FHIT: variants seen among roughly 807,000 people sequenced by gnomAD.
FHIT encodes the protein fragile histidine triad diadenosine triphosphatase, also known as bis(5'-adenosyl)-triphosphatase.
Under a neutral mutation model 17.9 loss-of-function variants are expected in FHIT, and 19 were observed. That is an observed-to-expected ratio of 1.06 (90% confidence interval 0.74 to 1.56). The LOEUF (loss-of-function observed/expected upper bound fraction) is 1.56. Among genes scored for constraint, FHIT ranks in the 40% most tolerant of loss-of-function variants. The pLI, the probability that FHIT is intolerant of heterozygous loss-of-function variation, is 0.00. For synonymous variants in FHIT, 81 were observed against 69.7 expected (o/e 1.16, Z -0.81); for missense variants, 248 against 189.2 (o/e 1.31, Z -1.82).
chr3:60,480,801 C>T (rs1408497748), intron 5 of FHIT, among the ~76,000 whole-genome samples: 1 of 152,206 alleles, frequency 6.6e-6, no homozygotes, highest in Non-Finnish European at 1.5e-5. Context: ...CCCCAACTCC[C>T]CAACGGCTGC....
intron 8 of FHIT, among the ~76,000 whole-genome samples, chr3:59,840,548 A>G (rs1486456918): frequency 6.6e-6 from 1 of 152,202 alleles, no homozygotes; most frequent in Non-Finnish European, 1.5e-5. Context: ...TCTCCTTCTG[A>G]AATCCATCGC....
intron 7 of FHIT, among the ~76,000 whole-genome samples, chr3:59,977,958 AGTT>A (rs1708487451): frequency 6.6e-6 from 1 of 152,168 alleles, no homozygotes; most frequent in African/African-American, 2.4e-5. Context: ...ACAGTCATGA[AGTT>A]GTTTGTGAAG....
chr3:60,906,389 C>T (rs956386979), intron 3 of FHIT, among the ~76,000 whole-genome samples: 5 of 152,198 alleles, frequency 3.3e-5, no homozygotes, highest in African/African-American at 7.2e-5. Flanking sequence ...TGGTAACATA[C>T]ATGCATCTAC....
intron 3 of FHIT, among the ~76,000 whole-genome samples, chr3:60,845,725 A>C (rs1428939275): frequency 6.6e-6 from 1 of 152,132 alleles, no homozygotes; most frequent in African/African-American, 2.4e-5. Context: ...CCAGAAATAA[A>C]CTTGATCATC....
At chr3:61,077,690 A>G (rs2035013564) in intron 2 of FHIT, among the ~76,000 whole-genome samples, 1 of 152,104 alleles carries the variant, frequency 6.6e-6, no homozygotes, top group Non-Finnish European at 1.5e-5. Flanking sequence ...TGGCATCTGG[A>G]AAGCCTTTTT....
At chr3:60,333,368 T>C (rs1710080007) in intron 5 of FHIT, among the ~76,000 whole-genome samples, 1 of 152,204 alleles carries the variant, frequency 6.6e-6, no homozygotes, top group Non-Finnish European at 1.5e-5. Flanking sequence ...TTGCTTCTAA[T>C]GGAGCCCAAG....
chr3:61,056,730 A>T (rs2034238040), intron 2 of FHIT, among the ~76,000 whole-genome samples: 1 of 152,112 alleles, frequency 6.6e-6, no homozygotes, highest in Non-Finnish European at 1.5e-5. Flanking sequence ...GTTCTTAGGG[A>T]TCTGAATGTT....
At chr3:61,132,517 A>G (rs970243346) in intron 2 of FHIT, among the ~76,000 whole-genome samples, 1 of 152,242 alleles carries the variant, frequency 6.6e-6, no homozygotes, top group Admixed American at 6.5e-5. Context: ...AGAGAAACAT[A>G]CAAATGCAAA....
intron 7 of FHIT, among the ~76,000 whole-genome samples, chr3:59,948,409 T>A (rs1343423775): frequency 1.1e-4 from 16 of 150,918 alleles, no homozygotes; most frequent in Admixed American, 6.0e-4. Context: ...CCCAGCTACT[T>A]GGGAGGCTGA....
chr3:59,907,679 G>A (rs1330549040), intron 8 of FHIT, among the ~76,000 whole-genome samples: 1 of 152,184 alleles, frequency 6.6e-6, no homozygotes, highest in Admixed American at 6.5e-5. Flanking sequence ...TGAATCCTGA[G>A]GTTGGGTAAT....
intron 8 of FHIT, among the ~76,000 whole-genome samples, chr3:59,867,808 C>T (rs1334266012): frequency 1.3e-5 from 2 of 152,030 alleles, no homozygotes; most frequent in Non-Finnish European, 2.9e-5. Flanking sequence ...TCCCCACCTC[C>T]ACCTTAGGGT....
At chr3:60,957,548 C>T (rs1553779385) in intron 3 of FHIT, among the ~76,000 whole-genome samples, 1 of 152,072 alleles carries the variant, frequency 6.6e-6, no homozygotes, top group Non-Finnish European at 1.5e-5. Context: ...ATCTTCTTTT[C>T]TGTCCACAGC....
intron 5 of FHIT, among the ~76,000 whole-genome samples, chr3:60,398,637 T>C (rs150392509): frequency 3.0e-4 from 46 of 152,302 alleles, no homozygotes; most frequent in African/African-American, 1.1e-3. Flanking sequence ...TTTTGCAGAA[T>C]TGTAATGTTT....
chr3:60,556,877 CTT>C (rs1178242985), intron 4 of FHIT, among the ~76,000 whole-genome samples: 1 of 152,170 alleles, frequency 6.6e-6, no homozygotes, highest in Admixed American at 6.5e-5. Context: ...AGGATGCTCT[CTT>C]TTTTTCACAT....
In FHIT at chr3:61,074,538, G is replaced by A. The variant is rs145532309; in HGVS notation, c.-163-32439C>T. On this transcript the variant is annotated intron_variant, in intron 2 of 9. Coordinates refer to ENST00000492590, the MANE Select transcript of FHIT (RefSeq NM_002012.4). Reference sequence around the variant, plus strand: ...ATCGAGAGATTTCACAGAAAATGCTGGAAGCTCTGACCCTACCGGCACCAC... The same window carrying A: ...ATCGAGAGATTTCACAGAAAATGCTAGAAGCTCTGACCCTACCGGCACCAC... Among the ~76,000 whole-genome samples, 305 of 152,172 alleles carry A rather than the reference G, an allele frequency of 2.0e-3. 4 individuals carry two copies. The Middle Eastern group carries it at 0.02, about 10-fold the overall frequency.
At chr3:60,718,131 T>C (rs2041728575) in intron 4 of FHIT, among the ~76,000 whole-genome samples, 1 of 152,212 alleles carries the variant, frequency 6.6e-6, no homozygotes, top group Admixed American at 6.5e-5. Flanking sequence ...TTTATATGAA[T>C]GCTTACTAAA....
At chr3:60,847,889 A>G (rs1702988387) in intron 3 of FHIT, among the ~76,000 whole-genome samples, 1 of 152,178 alleles carries the variant, frequency 6.6e-6, no homozygotes, top group Non-Finnish European at 1.5e-5. Context: ...TGCCAAATGA[A>G]ATAAAGAACT....
At chr3:59,955,413 A>G (rs1304650870) in intron 7 of FHIT, among the ~76,000 whole-genome samples, 5 of 152,088 alleles carry the variant, frequency 3.3e-5, no homozygotes, top group African/African-American at 9.7e-5. Flanking sequence ...CAAGAGCTCA[A>G]TTCTATATCC....
intron 5 of FHIT, among the ~76,000 whole-genome samples, chr3:60,123,983 TATATATATATATATATATATATATATAG>T (rs1705385929): frequency 7.5e-5 from 3 of 39,988 alleles, no homozygotes; most frequent in Non-Finnish European, 1.0e-4. Flanking sequence ...TATATATATA[TATATATATATATATATATATATATATAG>T]AGAGAGAGAG....
Sources: gnomAD v4.1 joint callset for allele counts (sites outside exome capture counted in the v4.1 genomes callset) on GRCh38, gnomAD v4.1.1 for gene constraint, MANE v1.5 for transcripts, NCBI Gene and HGNC (gene_info 2026-07-23, HGNC 2026-07-21) for gene names.